The following CTNNA3 variants were observed in gnomAD, a reference collection of about 807,000 sequenced individuals.
The protein encoded by CTNNA3 is catenin alpha-3.
Under a neutral mutation model 95.7 loss-of-function variants are expected in CTNNA3, and 76 were observed. The ratio of observed to expected loss-of-function variants is 0.79; its 90% CI spans 0.66 to 0.96. CTNNA3 has a LOEUF of 0.96. Ranked by LOEUF, CTNNA3 falls within the 40% of genes least tolerant of loss-of-function variation. CTNNA3 has a pLI of 0.00. For missense variants in CTNNA3, 1,191 were observed against 1,089.8 expected (o/e 1.09, Z -1.31); for synonymous variants, 431 against 374.4 (o/e 1.15, Z -1.74).
At chr10:67,692,128 C>T (rs1840876078) in intron 1 of CTNNA3, among the ~76,000 whole-genome samples, 1 of 151,348 alleles carries the variant, frequency 6.6e-6, no homozygotes, top group East Asian at 2.0e-4. Context: ...GGGGGTCAGC[C>T]CCCTGCCCGG....
chr10:67,241,922 AT>A (rs749889192), intron 5 of CTNNA3, among the ~76,000 whole-genome samples: 4 of 152,160 alleles, frequency 2.6e-5, no homozygotes, highest in Non-Finnish European at 5.9e-5. Flanking sequence ...TCACTTTCTC[AT>A]TTAATGGCCC....
chr10:65,983,865 A>G (rs1025716835), intron 16 of CTNNA3, among the ~76,000 whole-genome samples: 2 of 151,260 alleles, frequency 1.3e-5, no homozygotes, highest in African/African-American at 4.8e-5. Context: ...CAAGGAAGCA[A>G]TGAAGGAAGG....
chr10:66,804,891 C>T (rs1841579563), intron 7 of CTNNA3, among the ~76,000 whole-genome samples: 1 of 152,002 alleles, frequency 6.6e-6, no homozygotes, highest in Non-Finnish European at 1.5e-5. Flanking sequence ...GAAGAGTAAA[C>T]AGTTTCTATA....
intron 4 of CTNNA3, among the ~76,000 whole-genome samples, chr10:67,524,964 CATG>C (rs1840097979): frequency 1.3e-5 from 2 of 152,104 alleles, no homozygotes; most frequent in African/African-American, 4.8e-5. Context: ...TTGTTCAGTA[CATG>C]ATAATTTTCT....
rs1039119387 is a variant in CTNNA3 at position 66,495,509 on chromosome 10, G to C, written c.1531+25108C>G. On this transcript the variant is annotated intron_variant, in intron 11 of 17. Transcript: ENST00000433211. ...ATCTGGAGATACAAAGATCAATGTA[G>C]TAATCAATGACATAGCTGTGATTCC... is the stretch of plus-strand genomic sequence containing the variant. Among the ~76,000 whole-genome samples, 7 of 152,222 alleles carry C rather than the reference G, an allele frequency of 4.6e-5. No individual in the cohort carries two copies. The East Asian group carries it at 1.2e-3, about 25-fold the overall frequency.
At chr10:66,452,037 T>C (rs2093467998) in intron 11 of CTNNA3, among the ~76,000 whole-genome samples, 1 of 151,946 alleles carries the variant, frequency 6.6e-6, no homozygotes, top group East Asian at 1.9e-4. Context: ...CCCTGGCCAG[T>C]TCTCCAGCCA....
chr10:67,410,646 A>AC (rs1845331062), intron 5 of CTNNA3, among the ~76,000 whole-genome samples: 1 of 150,724 alleles, frequency 6.6e-6, no homozygotes, highest in African/African-American at 2.4e-5. Flanking sequence ...AAAAAAAAAA[A>AC]CCCACAGAAA....
At chr10:66,264,338 C>A (rs1353765967) in intron 13 of CTNNA3, among the ~76,000 whole-genome samples, 2 of 151,908 alleles carry the variant, frequency 1.3e-5, no homozygotes, top group Non-Finnish European at 1.5e-5. Flanking sequence ...TCATTCCCAG[C>A]AATTTCAGTC....
chr10:67,742,435 G>A (rs1841346048), intron 1 of CTNNA3, among the ~76,000 whole-genome samples: 1 of 151,158 alleles, frequency 6.6e-6, no homozygotes, highest in South Asian at 2.1e-4. Flanking sequence ...CAGAAACAAA[G>A]ATGTTCTTTG....
At chr10:67,183,474 G>C (rs576358931) in intron 6 of CTNNA3, among the ~76,000 whole-genome samples, 1 of 152,024 alleles carries the variant, frequency 6.6e-6, no homozygotes, top group East Asian at 1.9e-4. Flanking sequence ...TCACTCATAG[G>C]TGGGAATTGA....
chr10:66,306,487 A>C (rs1454938296), intron 12 of CTNNA3, among the ~76,000 whole-genome samples: 1 of 152,216 alleles, frequency 6.6e-6, no homozygotes, highest in Non-Finnish European at 1.5e-5. Flanking sequence ...TAGTGAATCG[A>C]TGATGGTGCC....
intron 16 of CTNNA3, among the ~76,000 whole-genome samples, chr10:65,983,592 T>A (rs2078367165): frequency 1.3e-5 from 2 of 151,456 alleles, no homozygotes; most frequent in Non-Finnish European, 3.0e-5. Flanking sequence ...TAGGTAAGAA[T>A]AGCTATAACA....
At chr10:67,135,697 C>T (rs1025539724) in intron 7 of CTNNA3, among the ~76,000 whole-genome samples, 17 of 151,736 alleles carry the variant, frequency 1.1e-4, no homozygotes, top group Admixed American at 6.6e-4. Context: ...ACAAAAAAAC[C>T]AATGGATGTA....
At chr10:67,286,398 G>C (rs1176268301) in intron 5 of CTNNA3, among the ~76,000 whole-genome samples, 3 of 152,186 alleles carry the variant, frequency 2.0e-5, no homozygotes, top group South Asian at 4.1e-4. Context: ...ACTAGTTGTA[G>C]GACATTTTTA....
At chr10:66,539,540 T>C (rs1430179085) in intron 10 of CTNNA3, among the ~76,000 whole-genome samples, 3 of 152,130 alleles carry the variant, frequency 2.0e-5, no homozygotes, top group African/African-American at 7.2e-5. Flanking sequence ...GAAGTTACAA[T>C]TGGCATTCCC....
chr10:66,255,870 A>G (rs991639181), intron 13 of CTNNA3, among the ~76,000 whole-genome samples: 1 of 152,230 alleles, frequency 6.6e-6, no homozygotes, highest in African/African-American at 2.4e-5. Flanking sequence ...CAAGAATTTC[A>G]GGCCTTAACT....
At chr10:66,569,509 C>A (rs921841738) in intron 10 of CTNNA3, among the ~76,000 whole-genome samples, 4 of 152,058 alleles carry the variant, frequency 2.6e-5, no homozygotes, top group African/African-American at 9.7e-5. Flanking sequence ...GACTCATTAG[C>A]TGGAAGAAAA....
At chr10:67,443,567 T>C (rs1846617001) in intron 5 of CTNNA3, among the ~76,000 whole-genome samples, 2 of 152,264 alleles carry the variant, frequency 1.3e-5, no homozygotes, top group Admixed American at 1.3e-4. Context: ...CATTTTTTCA[T>C]GCGTCTTTTG....
At chr10:66,365,894 G>A (rs2092707899) in intron 12 of CTNNA3, among the ~76,000 whole-genome samples, 1 of 152,034 alleles carries the variant, frequency 6.6e-6, no homozygotes, top group Non-Finnish European at 1.5e-5. Context: ...ATATGAATAA[G>A]CTTGGAAGCA....
Sources: gnomAD v4.1 joint callset for allele counts (sites outside exome capture counted in the v4.1 genomes callset) on GRCh38, gnomAD v4.1.1 for gene constraint, MANE v1.5 for transcripts, NCBI Gene and HGNC (gene_info 2026-07-23, HGNC 2026-07-21) for gene names.